The following ZBTB7A variants were observed in gnomAD, a reference collection of about 807,000 sequenced individuals.
ZBTB7A encodes zinc finger and BTB domain containing 7A.
In ZBTB7A, 7 loss-of-function variants were observed where a neutral mutation model predicts 26.7. That is an observed-to-expected ratio of 0.26 (90% CI 0.15 to 0.49). The LOEUF (loss-of-function observed/expected upper bound fraction) is 0.49, where lower values mean the gene tolerates loss of function less well. Among genes scored for constraint, ZBTB7A ranks in the 20% least tolerant of loss-of-function variants. The probability of loss-of-function intolerance (pLI) is 0.98; values close to 1 mark genes in which losing one functional copy is unlikely to be tolerated. For synonymous variants in ZBTB7A, 452 were observed against 441.0 expected, an observed-to-expected ratio of 1.02 and a Z score of -0.31; for missense variants, 617 against 919.5, an observed-to-expected ratio of 0.67 and a Z score of 4.25.
intron 1 of ZBTB7A, among the ~76,000 whole-genome samples, chr19:4,066,200 C>T (rs987031679): frequency 7.9e-6 from 1 of 126,864 alleles, no homozygotes; most frequent in African/African-American, 2.9e-5. Flanking sequence ...TCAGCCCCCT[C>T]CCCCCCATCC....
rs1041100342 is a variant in ZBTB7A at position 4,044,145 on chromosome 19, C to A, written c.*3607G>T. Among the ~76,000 whole-genome samples the A allele has an allele frequency of 1.3e-5, 2 of 151,934 alleles. No homozygotes were observed. Among genetic ancestry groups the A allele is most frequent in the Non-Finnish European group, 2.9e-5 (2 of 67,958 alleles). On this transcript the variant is annotated 3_prime_UTR_variant, in exon 3 of 3. Coordinates refer to ENST00000322357, the MANE Select transcript of ZBTB7A (RefSeq NM_015898.4). ...GCAAAGACCCCTGTCCCCCACCTTC[C>A]CTGCAGCCGCCCACTTCCAGGGGAA...
rs1379683960 is a variant in ZBTB7A at position 4,043,734 on chromosome 19, C to G, written c.*4018G>C. 1.1e-4 allele frequency among the ~76,000 whole-genome samples: 13 copies of G among 119,122 alleles called. 1 individual carries two copies. The highest frequency in any genetic ancestry group is 6.3e-4 in the South Asian group (2 of 3,174). The allele number at this position is 119,122 out of a possible 152,430, so 78.1% of individuals were successfully genotyped here. A position where few individuals can be genotyped will look rare whatever the true frequency, so the allele number is the denominator to read the frequency against. Reference sequence around the variant, plus strand: ...CCCTGGGCCCGGCCCCCCCCCCCCCCCCCCGTAAATCTATGTATTTAATGC... The same window carrying G: ...CCCTGGGCCCGGCCCCCCCCCCCCCGCCCCGTAAATCTATGTATTTAATGC... On this transcript the variant is annotated 3_prime_UTR_variant, in exon 3 of 3. Coordinates refer to ENST00000322357, the MANE Select transcript of ZBTB7A (RefSeq NM_015898.4).
At chr19:4,065,385 C>T (rs1250023529) in intron 1 of ZBTB7A, 29 of 145,128 alleles carry the variant, frequency 2.0e-4, no homozygotes, top group African/African-American at 7.2e-4. Flanking sequence ...GGCCCCCGCC[C>T]GGCCCGCGGT....
At chr19:4,064,730 C>T (rs2040674463) in intron 1 of ZBTB7A, among the ~76,000 whole-genome samples, 1 of 152,162 alleles carries the variant, frequency 6.6e-6, no homozygotes, top group Admixed American at 6.5e-5. Flanking sequence ...GAGCCCGCCA[C>T]CCATGGGTGA....
rs546972472 is a variant in ZBTB7A at position 4,052,876 on chromosome 19, C to T, written c.1262+1095G>A. 2.0e-5 allele frequency among the ~76,000 whole-genome samples: 3 copies of T among 152,204 alleles called. No homozygotes were observed. The highest frequency in any genetic ancestry group is 4.1e-4 in the South Asian group (2 of 4,832). On this transcript the variant is annotated intron_variant, in intron 2 of 2. Transcript: ENST00000322357. The surrounding 1 kb of genome is among the most constrained non-coding windows in gnomAD (Gnocchi z 4.9). ...CCTCAGGGCCTCTGCACTGGCTGTT[C>T]CCTCTGCCTGGAACGCCCTTTCCCA...
In ZBTB7A at chr19:4,045,613, G is replaced by A. The variant is rs2040405416; in HGVS notation, c.*2139C>T. 1 of 328,162 alleles carries A rather than the reference G, an allele frequency of 3.0e-6. No individual in the cohort carries two copies. Among genetic ancestry groups the A allele is most frequent in the South Asian group, 1.6e-4 (1 of 6,390 alleles). The allele number at this position is 328,162 out of a possible 1,614,324, so 20.3% of individuals were successfully genotyped here. ...AAGATGTGTGTGTCACAGAGAAGGG[G>A]GTATGGGGGGGTCGGGGGCAGGGAG... On this transcript the variant is annotated 3_prime_UTR_variant, in exon 3 of 3. Coordinates refer to ENST00000322357, the MANE Select transcript of ZBTB7A (RefSeq NM_015898.4). The surrounding 1 kb of genome is among the most constrained non-coding windows in gnomAD (Gnocchi z 4.1).
Position 4,046,866 on chromosome 19 carries a change from G to A in ZBTB7A, c.*886C>T, listed in dbSNP as rs1338099435. Reference sequence around the variant, plus strand: ...TTTAAAAATTTGGGAGAGGGGGCTCGGGGGAGAGGACGAAGACAGAAGTTT... The same window carrying A: ...TTTAAAAATTTGGGAGAGGGGGCTCAGGGGAGAGGACGAAGACAGAAGTTT... On this transcript the variant is annotated 3_prime_UTR_variant, in exon 3 of 3. Coordinates refer to ENST00000322357, the MANE Select transcript of ZBTB7A (RefSeq NM_015898.4). The A allele has an allele frequency of 6.6e-6, 1 of 150,902 alleles. No individual in the cohort carries two copies. Among genetic ancestry groups the A allele is most frequent in the Non-Finnish European group, 1.5e-5 (1 of 67,712 alleles). The allele number at this position is 150,902 out of a possible 1,614,324, so 9.3% of individuals were successfully genotyped here.
In ZBTB7A at chr19:4,055,152, C is replaced by G; in HGVS notation, c.81G>C (p.Gln27His). The change falls in exon 2 of 3, where the codon CAG becomes CAC. Residue 27 changes from glutamine (Q) to histidine (H), a missense_variant. Physicochemically the swap from Gln to His is conservative, Grantham distance 24. Around this residue, in one of 5 missense-constraint regions of ZBTB7A, gnomAD observed 82 missense variants for 195.2 expected, o/e 0.42. Transcript: ENST00000322357. ...SSDILSGLNE[Q>H]RTQGLLCDVV... The stretch of plus-strand genomic sequence containing the variant: ...CGTCGCACAGCAGGCCCTGCGTCCG[C>G]TGCTCGTTCAGCCCACTCAGGATGT... 1 of 1,608,452 alleles carries G rather than the reference C, an allele frequency of 6.2e-7. No homozygotes were observed. Among genetic ancestry groups the G allele is most frequent in the Non-Finnish European group, 8.5e-7 (1 of 1,178,708 alleles).
intron 1 of ZBTB7A, among the ~76,000 whole-genome samples, chr19:4,058,248 C>T (rs1002580793): frequency 6.6e-6 from 1 of 152,220 alleles, no homozygotes; most frequent in African/African-American, 2.4e-5. Context: ...AACCCCTGTC[C>T]ACCTCCTGCC....
rs1265213875 is a variant in ZBTB7A, at chr19:4,049,211, T to TATATATATATATATATATATATA, written c.1263-968_1263-967insTATATATATATATATATATATAT. 5.6e-4 allele frequency among the ~76,000 whole-genome samples: 24 copies of TATATATATATATATATATATATA among 43,176 alleles called. 5 individuals are homozygous for TATATATATATATATATATATATA. Among genetic ancestry groups the TATATATATATATATATATATATA allele is most frequent in the Middle Eastern group, 0.017 (1 of 58 alleles). The allele number at this position is 43,176 out of a possible 152,430, so 28.3% of individuals were successfully genotyped here. A position where few individuals can be genotyped will look rare whatever the true frequency, so the allele number is the denominator to read the frequency against. On this transcript the variant is annotated intron_variant, in intron 2 of 2. Transcript: ENST00000322357. ...ATATATATATATATATATATATATG[T>TATATATATATATATATATATATA]AAGTTTGAGAGATGGGGGTTGAGCT... is the stretch of plus-strand genomic sequence containing the variant.
chr19:4,066,679 TA>T lies in ZBTB7A; in HGVS notation c.-16+2del, dbSNP rs2040698652. On this transcript the variant is annotated splice_donor_variant, in intron 1 of 2. Coordinates refer to ENST00000322357, the MANE Select transcript of ZBTB7A (RefSeq NM_015898.4). LOFTEE classifies it low-confidence loss of function (5UTR_SPLICE). ...CCGGGGGCCGCGCCGGGCGCTGACT[TA>T]CCTCGCGGGGCCGGGCCGGGGCGCG... The T allele has an allele frequency of 6.6e-6, 1 of 150,900 alleles. No homozygotes were observed. The highest frequency in any genetic ancestry group is 2.4e-5 in the African/African-American group (1 of 41,192). 9.3% of individuals were successfully genotyped at this position (150,900 alleles called of 1,614,324 possible). A position where few individuals can be genotyped will look rare whatever the true frequency, so the allele number is the denominator to read the frequency against.
intron 1 of ZBTB7A, among the ~76,000 whole-genome samples, chr19:4,057,530 C>T (rs937253849): frequency 2.6e-5 from 4 of 152,026 alleles, no homozygotes; most frequent in South Asian, 2.1e-4. Flanking sequence ...TGGCTCACGC[C>T]GGTAATCCCA....
In ZBTB7A at chr19:4,045,831, G is replaced by A. The variant is rs1478304094; in HGVS notation, c.*1921C>T. On this transcript the variant is annotated 3_prime_UTR_variant, in exon 3 of 3. Coordinates refer to ENST00000322357, the MANE Select transcript of ZBTB7A (RefSeq NM_015898.4). This position sits in a 1 kb window ranked among gnomAD's most constrained non-coding sequence, Gnocchi z 4.1. Reference sequence around the variant, plus strand: ...ACACCGGGCCTTGTGGGAGCCAGAGGTTGGGGGGAGGCAGGTCCCAGTCCC... The same window carrying A: ...ACACCGGGCCTTGTGGGAGCCAGAGATTGGGGGGAGGCAGGTCCCAGTCCC... The A allele has an allele frequency of 2.5e-6, 1 of 398,704 alleles. No homozygotes were observed. Among genetic ancestry groups the A allele is most frequent in the Non-Finnish European group, 4.4e-6 (1 of 226,104 alleles). The allele number at this position is 398,704 out of a possible 1,614,324, so 24.7% of individuals were successfully genotyped here.
At position 4,046,572 on chromosome 19, in the gene ZBTB7A, C is replaced by T. The variant is rs1220709753; in HGVS notation, c.*1180G>A. ...CCAAGACTTCTAATGTGGTTGGTTG[C>T]CTTTTTTTTTTTCCTTCCTTTCATT... On this transcript the variant is annotated 3_prime_UTR_variant, in exon 3 of 3. Coordinates refer to ENST00000322357, the MANE Select transcript of ZBTB7A (RefSeq NM_015898.4). The T allele has an allele frequency of 6.8e-6, 1 of 146,414 alleles. No homozygotes were observed. 9.1% of individuals were successfully genotyped at this position (146,414 alleles called of 1,614,324 possible).
At position 4,050,358 on chromosome 19, in the gene ZBTB7A, GC is replaced by G. The variant is rs769731894; in HGVS notation, c.1263-2115del. 8.5e-5 allele frequency among the ~76,000 whole-genome samples: 13 copies of G among 152,340 alleles called. No individual in the cohort carries two copies. The East Asian group carries it at 2.5e-3, about 29-fold the overall frequency. ...TTACAGGCGTGAGCCACCGCGCCCG[GC>G]CGGTCTCTCTTGTTTCTGTTGATTT... On this transcript the variant is annotated intron_variant, in intron 2 of 2. Transcript: ENST00000322357.
intron 2 of ZBTB7A, among the ~76,000 whole-genome samples, chr19:4,049,861 G>A (rs375320459): frequency 6.6e-6 from 1 of 152,080 alleles, no homozygotes; most frequent in African/African-American, 2.4e-5. Flanking sequence ...GTCAAATTTG[G>A]GCTCAAATGT....
intron 1 of ZBTB7A, chr19:4,061,698 G>A (rs2040639830): frequency 1.3e-5 from 2 of 152,424 alleles, no homozygotes; most frequent in Non-Finnish European, 2.9e-5. Flanking sequence ...GGAAGGCCGT[G>A]GGGACCCAGT....
At position 4,054,492 on chromosome 19, in the gene ZBTB7A, C is replaced by A. The variant is rs898801687; in HGVS notation, c.741G>T (p.Arg247=). ...GACCCCCGGTGGGGGCGTCCTCATC[C>A]CGCTCTGGCCACAGACCCGGGTTGC... The part of the protein sequence containing the change: ...GDSNPGLWPE[R]DEDAPTGGLF... The change falls in exon 2 of 3, where the codon CGG becomes CGT. Residue 247 remains arginine, a synonymous_variant. Coordinates refer to ENST00000322357, the MANE Select transcript of ZBTB7A (RefSeq NM_015898.4). 4.3e-6 allele frequency: 6 copies of A among 1,403,750 alleles called. No individual in the cohort carries two copies. In the African/African-American group the frequency reaches 9.1e-5, roughly 21 times the overall value. The allele number at this position is 1,403,750 out of a possible 1,614,324, so 87.0% of individuals were successfully genotyped here.
In ZBTB7A at chr19:4,052,857, G is replaced by A. The variant is rs2040518311; in HGVS notation, c.1262+1114C>T. Reference sequence around the variant, plus strand: ...ATCTCTCAAGCTGAGCTGGCCTCAGGGCCTCTGCACTGGCTGTTCCCTCTG... The same window carrying A: ...ATCTCTCAAGCTGAGCTGGCCTCAGAGCCTCTGCACTGGCTGTTCCCTCTG... On this transcript the variant is annotated intron_variant, in intron 2 of 2. Coordinates refer to ENST00000322357, the MANE Select transcript of ZBTB7A (RefSeq NM_015898.4). This position sits in a 1 kb window ranked among gnomAD's most constrained non-coding sequence, Gnocchi z 4.9. Among the ~76,000 whole-genome samples the A allele has an allele frequency of 6.6e-6, 1 of 152,180 alleles. No individual in the cohort carries two copies. Among genetic ancestry groups the A allele is most frequent in the Non-Finnish European group, 1.5e-5 (1 of 68,030 alleles).
Sources: allele counts gnomAD v4.1 joint callset (sites outside exome capture counted in the v4.1 genomes callset), GRCh38; gene constraint gnomAD v4.1.1; regional missense constraint gnomAD v4.1.1; non-coding constraint Gnocchi (gnomAD v3.1); transcripts MANE v1.5; gene names NCBI Gene and HGNC (gene_info 2026-07-23, HGNC 2026-07-21).